The following FPR2 variants were observed in gnomAD, a reference collection of about 807,000 sequenced individuals.
FPR2 encodes formyl peptide receptor 2.
A neutral mutation model predicts 4.0 loss-of-function variants in FPR2; 3 were observed. The ratio of observed to expected loss-of-function variants is 0.74; its 90% CI spans 0.34 to 1.92. FPR2 has a LOEUF of 1.92. Among genes scored for constraint, FPR2 ranks in the 30% most tolerant of loss-of-function variants. The probability of loss-of-function intolerance (pLI) is 0.07; values close to 1 mark genes in which losing one functional copy is unlikely to be tolerated. For synonymous variants in FPR2, 179 were observed against 171.5 expected (o/e 1.04, Z -0.34); for missense variants, 372 against 435.7 (o/e 0.85, Z 1.30).
At position 51,768,705 on chromosome 19, in the gene FPR2, C is replaced by T. The variant is rs1463116242; in HGVS notation, c.47C>T (p.Ser16Phe). Residue 16 changes from serine (S) to phenylalanine (F), a missense_variant, in exon 2 of 2, where the codon TCC becomes TTC. Transcript: ENST00000340023. ...STPLNEYEEV[S>F]YESAGYTVLR... is the part of the protein sequence containing the mutation. ...CCTCTGAATGAATATGAAGAAGTGT[C>T]CTATGAGTCTGCTGGCTACACTGTT... is the stretch of plus-strand genomic sequence containing the variant. 1 of 1,613,638 alleles carries T rather than the reference C, an allele frequency of 6.2e-7. No homozygotes were observed. Among genetic ancestry groups the T allele is most frequent in the Non-Finnish European group, 8.5e-7 (1 of 1,179,816 alleles).
Position 51,770,076 on chromosome 19 carries a change from A to G in FPR2, c.*362A>G, listed in dbSNP as rs1447060289. The G allele has an allele frequency of 5.2e-6, 1 of 190,850 alleles. No homozygotes were observed. Among genetic ancestry groups the G allele is most frequent in the Non-Finnish European group, 1.2e-5 (1 of 82,582 alleles). 11.8% of individuals were successfully genotyped at this position (190,850 alleles called of 1,614,324 possible). On this transcript the variant is annotated 3_prime_UTR_variant, in exon 2 of 2. Coordinates refer to ENST00000340023, the MANE Select transcript of FPR2 (RefSeq NM_001005738.2). The stretch of plus-strand genomic sequence containing the variant: ...TAGGTTTTTTATAGCTATTAAAAAA[A>G]ATCAGATTATGGAAGTTTTCTTCTA...
rs761977053 is a variant in FPR2, at chr19:51,769,007, G to T, written c.349G>T (p.Gly117Cys). 4 of 1,614,226 alleles carry T rather than the reference G, an allele frequency of 2.5e-6. No individual in the cohort carries two copies. The South Asian group carries it at 3.3e-5, about 13-fold the overall frequency. ...CCTCTTTGGAAGTGTCTTCTTGATT[G>T]GTTTCATTGCACTGGACCGCTGCAT... is the stretch of plus-strand genomic sequence containing the variant. ...INLFGSVFLI[G>C]FIALDRCICV... The change falls in exon 2 of 2, where the codon GGT (glycine) becomes TGT (cysteine). Residue 117 changes from glycine (G) to cysteine (C), a missense_variant. Gly to Cys is a radical substitution (Grantham distance 159, BLOSUM62 -3). Transcript: ENST00000340023. This position sits in a 1 kb window ranked among gnomAD's most constrained non-coding sequence, Gnocchi z 4.4.
Position 51,769,275 on chromosome 19 carries a change from T to C in FPR2, c.617T>C (p.Phe206Ser). The C allele has an allele frequency of 1.2e-6, 2 of 1,614,200 alleles. No homozygotes were observed. The highest frequency in any genetic ancestry group is 1.7e-6 in the Non-Finnish European group (2 of 1,180,036). Residue 206 changes from phenylalanine (F) to serine (S), a missense_variant, in exon 2 of 2, where the codon TTT becomes TCT. Physicochemically the swap from Phe to Ser is radical, Grantham distance 155 (BLOSUM62 -2). Coordinates refer to ENST00000340023, the MANE Select transcript of FPR2 (RefSeq NM_001005738.2). This position sits in a 1 kb window ranked among gnomAD's most constrained non-coding sequence, Gnocchi z 4.4. ...CTGACAGCCAGAGGGATTATCCGGT[T>C]TGTCATTGGCTTTAGCTTGCCGATG... The part of the protein sequence containing the change: ...TMLTARGIIR[F>S]VIGFSLPMSI...
In FPR2 at chr19:51,768,637, T is replaced by C. The variant is rs778774489; in HGVS notation, c.-14-8T>C. 1 of 1,569,496 alleles carries C rather than the reference T, an allele frequency of 6.4e-7. No homozygotes were observed. The highest frequency in any genetic ancestry group is 8.7e-7 in the Non-Finnish European group (1 of 1,155,858). ...AGCTGAGAAATGGCCATTGTTGGAA[T>C]GTTTCAGGTGCTGCTGGCAAGATGG... On this transcript the variant is annotated splice_region_variant and splice_polypyrimidine_tract_variant and intron_variant, in intron 1 of 1. Coordinates refer to ENST00000340023, the MANE Select transcript of FPR2 (RefSeq NM_001005738.2).
At chr19:51,763,941 T>C (rs531616152) in intron 1 of FPR2, among the ~76,000 whole-genome samples, 1 of 152,154 alleles carries the variant, frequency 6.6e-6, no homozygotes, top group Admixed American at 6.5e-5. Context: ...GTATTTTTAG[T>C]AGAGATGAGG....
Position 51,769,340 on chromosome 19 carries a change from A to G in FPR2, c.682A>G (p.Ile228Val), listed in dbSNP as rs1487218201. Residue 228 changes from isoleucine (I) to valine (V), a missense_variant, in exon 2 of 2, where the codon ATC (isoleucine) becomes GTC (valine). Ile to Val is a conservative substitution (Grantham distance 29). Transcript: ENST00000340023. The surrounding 1 kb of genome is among the most constrained non-coding windows in gnomAD (Gnocchi z 4.4). ...CTGCTATGGGCTCATTGCAGCCAAG[A>G]TCCACAAAAAGGGCATGATTAAATC... is the stretch of plus-strand genomic sequence containing the variant. ...AICYGLIAAK[I>V]HKKGMIKSSR... is the part of the protein sequence containing the mutation. 1.2e-6 allele frequency: 2 copies of G among 1,614,060 alleles called. No individual in the cohort carries two copies. The highest frequency in any genetic ancestry group is 2.2e-5 in the East Asian group (1 of 44,898).
At chr19:51,767,564 C>T (rs1483120319) in intron 1 of FPR2, among the ~76,000 whole-genome samples, 6 of 152,116 alleles carry the variant, frequency 3.9e-5, no homozygotes, top group African/African-American at 1.4e-4. Context: ...GGAGAAAAGA[C>T]ACCTTCTCTG....
chr19:51,764,450 G>T (rs17694990), intron 1 of FPR2, among the ~76,000 whole-genome samples: 86,211 of 151,966 alleles, frequency 0.57, 24,973 homozygotes, highest in East Asian at 0.7. Flanking sequence ...GTGGGATAGC[G>T]AGTGCGCTGG....
At chr19:51,764,989 G>C (rs1174994576) in intron 1 of FPR2, among the ~76,000 whole-genome samples, 1 of 152,108 alleles carries the variant, frequency 6.6e-6, no homozygotes, top group Non-Finnish European at 1.5e-5. Context: ...ACCATGCCCA[G>C]CTAATTTTTG....
chr19:51,763,335 G>C (rs1379832704), intron 1 of FPR2: 1 of 152,156 alleles, frequency 6.6e-6, no homozygotes, highest in Non-Finnish European at 1.5e-5. Context: ...AGTGTGTTGT[G>C]TGTACATTTA....
intron 1 of FPR2, among the ~76,000 whole-genome samples, chr19:51,766,524 G>A (rs2083869386): frequency 6.6e-6 from 1 of 152,216 alleles, no homozygotes; most frequent in South Asian, 2.1e-4. Context: ...GGAAGAAAAG[G>A]AGGAAATAAG....
intron 1 of FPR2, among the ~76,000 whole-genome samples, chr19:51,764,377 G>A (rs73937317): frequency 3.9e-5 from 6 of 152,168 alleles, no homozygotes; most frequent in African/African-American, 1.2e-4. Context: ...CATCTGCTGA[G>A]AGTGGGAAAA....
chr19:51,769,220 G>C lies in FPR2; in HGVS notation c.562G>C (p.Glu188Gln). 6.2e-7 allele frequency: 1 copy of C among 1,614,230 alleles called. No individual in the cohort carries two copies. Among genetic ancestry groups the C allele is most frequent in the East Asian group, 2.2e-5 (1 of 44,884 alleles). Residue 188 changes from glutamate to glutamine, a missense_variant, in exon 2 of 2, where the codon GAG becomes CAG. Transcript: ENST00000340023. This position sits in a 1 kb window ranked among gnomAD's most constrained non-coding sequence, Gnocchi z 4.4. ...FNFASWGGTPEERLKVAITML... is the reference protein window; with the variant it reads ...FNFASWGGTPQERLKVAITML... ...CTTTGCATCCTGGGGTGGCACCCCT[G>C]AGGAGAGGCTGAAGGTGGCCATTAC...
chr19:51,768,091 C>T (rs1240536766), intron 1 of FPR2, among the ~76,000 whole-genome samples: 1 of 152,150 alleles, frequency 6.6e-6, no homozygotes, highest in East Asian at 1.9e-4. Context: ...CTACATGTTA[C>T]CAGTGACTCC....
rs1599818700 is a variant in FPR2, at chr19:51,769,918, C to T, written c.*204C>T. The T allele has an allele frequency of 1.7e-6, 1 of 591,282 alleles. No individual in the cohort carries two copies. The highest frequency in any genetic ancestry group is 3.1e-6 in the Non-Finnish European group (1 of 325,442). The allele number at this position is 591,282 out of a possible 1,614,324, so 36.6% of individuals were successfully genotyped here. ...ATTAGTGTTATTTTTTGTTTTTTGA[C>T]TTCTGCCTATACCCTGGGGTAAGTG... On this transcript the variant is annotated 3_prime_UTR_variant, in exon 2 of 2. Transcript: ENST00000340023. This position sits in a 1 kb window ranked among gnomAD's most constrained non-coding sequence, Gnocchi z 4.4.
chr19:51,768,911 A>G lies in FPR2; in HGVS notation c.253A>G (p.Met85Val). ...TATLPFLIVS[M>V]AMGEKWPFGW... Reference sequence around the variant, plus strand: ...CACATTACCATTCCTCATTGTCTCCATGGCCATGGGAGAAAAATGGCCTTT... The same window carrying G: ...CACATTACCATTCCTCATTGTCTCCGTGGCCATGGGAGAAAAATGGCCTTT... The change falls in exon 2 of 2, where the codon ATG becomes GTG. Residue 85 changes from methionine to valine, a missense_variant. Physicochemically the swap from Met to Val is conservative, Grantham distance 21. Transcript: ENST00000340023. The G allele has an allele frequency of 6.2e-7, 1 of 1,614,130 alleles. No individual in the cohort carries two copies. Among genetic ancestry groups the G allele is most frequent in the Non-Finnish European group, 8.5e-7 (1 of 1,180,014 alleles).
intron 1 of FPR2, among the ~76,000 whole-genome samples, chr19:51,764,308 C>A (rs10853843): frequency 0.82 from 124,367 of 152,094 alleles, 50,908 homozygotes; most frequent in East Asian, 0.95. Flanking sequence ...CAGGGGAGGA[C>A]CGGCTGAAAA....
Position 51,769,789 on chromosome 19 carries a change from C to A in FPR2, c.*75C>A. ...GTTCCAGCTTCATCTACCCTTGAGTCATATTGAGGCATTCAAGGATGCACA... is the reference window on the plus strand; with the variant it reads ...GTTCCAGCTTCATCTACCCTTGAGTAATATTGAGGCATTCAAGGATGCACA... On this transcript the variant is annotated 3_prime_UTR_variant, in exon 2 of 2. Coordinates refer to ENST00000340023, the MANE Select transcript of FPR2 (RefSeq NM_001005738.2). The surrounding 1 kb of genome is among the most constrained non-coding windows in gnomAD (Gnocchi z 4.4). The A allele has an allele frequency of 1.6e-6, 2 of 1,226,442 alleles. No homozygotes were observed. The highest frequency in any genetic ancestry group is 2.7e-5 in the South Asian group (2 of 74,430). The allele number at this position is 1,226,442 out of a possible 1,614,324, so 76.0% of individuals were successfully genotyped here. A position where few individuals can be genotyped will look rare whatever the true frequency, so the allele number is the denominator to read the frequency against.
chr19:51,768,422 C>T (rs1457450661), intron 1 of FPR2: 3 of 505,670 alleles, frequency 5.9e-6, no homozygotes, highest in African/African-American at 3.8e-5. Context: ...GCCCGATAAG[C>T]GAAATGCATA....
Sources: allele counts gnomAD v4.1 joint callset (sites outside exome capture counted in the v4.1 genomes callset), GRCh38; gene constraint gnomAD v4.1.1; non-coding constraint Gnocchi (gnomAD v3.1); transcripts MANE v1.5; gene names NCBI Gene and HGNC (gene_info 2026-07-23, HGNC 2026-07-21).